TJP1: variants seen among roughly 807,000 people sequenced by gnomAD.
TJP1 encodes tight junction protein ZO-1.
A neutral mutation model predicts 194.2 loss-of-function variants in TJP1; 43 were observed. The observed-to-expected ratio is 0.22, with a 90% CI of 0.17 to 0.29. The LOEUF is 0.29. Ranked by LOEUF, TJP1 falls within the 10% of genes least tolerant of loss-of-function variation. The pLI is 1.00. For synonymous variants in TJP1, 801 were observed against 779.0 expected, an observed-to-expected ratio of 1.03 and a Z score of -0.47; for missense variants, 1,971 against 2,185.7, an observed-to-expected ratio of 0.90 and a Z score of 1.96.
intron 23 of TJP1, among the ~76,000 whole-genome samples, chr15:29,712,677 A>G (rs1476107052): frequency 6.6e-6 from 1 of 152,178 alleles, no homozygotes; most frequent in Non-Finnish European, 1.5e-5. Flanking sequence ...GTGAAAAGCA[A>G]TGTGTTTGAA....
chr15:29,801,978 T>A (rs1047248268), intron 1 of TJP1, among the ~76,000 whole-genome samples: 7 of 152,086 alleles, frequency 4.6e-5, no homozygotes, highest in Non-Finnish European at 8.8e-5. Context: ...GAACCACGGG[T>A]TGGACAAGGT....
chr15:29,888,369 G>A (rs116391708), intron 2 of TJP1, among the ~76,000 whole-genome samples: 2,193 of 151,824 alleles, frequency 0.014, 49 homozygotes, highest in African/African-American at 0.051. Flanking sequence ...ATATATACAC[G>A]CACACACAAA....
At chr15:29,943,820 C>T (rs1386783599) in intron 2 of TJP1, among the ~76,000 whole-genome samples, 6 of 150,284 alleles carry the variant, frequency 4.0e-5, no homozygotes, top group Admixed American at 6.6e-5. Context: ...TGGTGGCGCG[C>T]GCCTGTAGTC....
chr15:29,727,414 G>A (rs932478403), intron 16 of TJP1, among the ~76,000 whole-genome samples: 3 of 152,150 alleles, frequency 2.0e-5, no homozygotes, highest in African/African-American at 7.2e-5. Context: ...TCAAAAGTCT[G>A]TACTATATTT....
intron 2 of TJP1, among the ~76,000 whole-genome samples, chr15:29,929,514 C>A (rs1397539156): frequency 6.6e-6 from 1 of 152,070 alleles, no homozygotes; most frequent in East Asian, 1.9e-4. Context: ...CTGGCCAACA[C>A]GGCAAAACCC....
At chr15:29,776,620 A>G (rs1030188343) in intron 2 of TJP1, among the ~76,000 whole-genome samples, 2 of 152,178 alleles carry the variant, frequency 1.3e-5, no homozygotes, top group African/African-American at 4.8e-5. Flanking sequence ...GGCCTATTTT[A>G]CACTCTGAAT....
intron 2 of TJP1, among the ~76,000 whole-genome samples, chr15:29,838,616 G>C (rs891981940): frequency 8.9e-5 from 13 of 146,292 alleles, no homozygotes; most frequent in African/African-American, 3.2e-4. Context: ...GTGTGTCTGT[G>C]TGTGTGTGTG....
intron 1 of TJP1, among the ~76,000 whole-genome samples, chr15:29,808,898 A>G (rs1232769577): frequency 2.6e-5 from 4 of 152,358 alleles, no homozygotes; most frequent in African/African-American, 9.6e-5. Flanking sequence ...AATGCCACTT[A>G]TGAAGTAGAA....
chr15:29,945,648 C>T (rs1305708698), intron 2 of TJP1, among the ~76,000 whole-genome samples: 3 of 152,010 alleles, frequency 2.0e-5, no homozygotes, highest in Non-Finnish European at 4.4e-5. Flanking sequence ...TTGACAGCAA[C>T]AAATGAAGGG....
chr15:29,841,186 T>C (rs1352790457), intron 2 of TJP1, among the ~76,000 whole-genome samples: 3 of 152,190 alleles, frequency 2.0e-5, no homozygotes, highest in Non-Finnish European at 2.9e-5. Flanking sequence ...CCTGGAAGTC[T>C]GGGCCTTAGC....
At chr15:29,881,737 A>T (rs1229708614) in intron 2 of TJP1, among the ~76,000 whole-genome samples, 2 of 152,164 alleles carry the variant, frequency 1.3e-5, no homozygotes, top group African/African-American at 4.8e-5. Flanking sequence ...ACTTACCAGT[A>T]ATTCCATATA....
At chr15:29,957,221 A>G (rs552401208) in intron 1 of TJP1, among the ~76,000 whole-genome samples, 46 of 152,368 alleles carry the variant, frequency 3.0e-4, no homozygotes, top group Non-Finnish European at 4.0e-4. Context: ...TAAAGTGCAC[A>G]CTGGAATACA....
intron 1 of TJP1, among the ~76,000 whole-genome samples, chr15:29,810,015 G>A (rs183102648): frequency 2.1e-4 from 32 of 152,232 alleles, no homozygotes; most frequent in Admixed American, 8.5e-4. Context: ...TTCAAACCAC[G>A]TGTTTCCGAT....
intron 10 of TJP1, 72 bp downstream of exon 10, chr15:29,741,259 A>T: frequency 8.9e-7 from 1 of 1,124,812 alleles, no homozygotes; most frequent in Non-Finnish European, 1.3e-6. Flanking sequence ...AATATGGTTT[A>T]CAATTAAATT....
intron 1 of TJP1, chr15:29,968,466 G>C (rs1276062671): frequency 1.1e-5 from 10 of 940,278 alleles, no homozygotes; most frequent in Non-Finnish European, 1.3e-5. Flanking sequence ...CAGCGGGCAC[G>C]CGGTACAAGG....
At chr15:29,741,466 CT>C in intron 9 of TJP1, 30 bp from the exon 10 acceptor site, 2 of 1,469,198 alleles carry the variant, frequency 1.4e-6, no homozygotes, top group South Asian at 1.2e-5. Context: ...GTAGGACTCA[CT>C]TTAGAAAAAC....
intron 8 of TJP1, among the ~76,000 whole-genome samples, chr15:29,752,942 T>C (rs888305884): frequency 4.6e-5 from 7 of 152,098 alleles, no homozygotes; most frequent in Non-Finnish European, 1.0e-4. Context: ...CGCTTTGCCT[T>C]ATTCCAGAAT....
At chr15:29,819,232 A>T (rs1473810811) in intron 1 of TJP1, among the ~76,000 whole-genome samples, 1 of 152,196 alleles carries the variant, frequency 6.6e-6, no homozygotes, top group African/African-American at 2.4e-5. Flanking sequence ...AAACATTTTT[A>T]AAAAATGGAT....
intron 25 of TJP1, among the ~76,000 whole-genome samples, chr15:29,706,450 G>A (rs2041906014): frequency 6.6e-6 from 1 of 151,986 alleles, no homozygotes; most frequent in Non-Finnish European, 1.5e-5. Context: ...TTTTTTGAGT[G>A]TCAAAATGAA....
Sources: gnomAD v4.1 joint callset for allele counts (sites outside exome capture counted in the v4.1 genomes callset) on GRCh38, gnomAD v4.1.1 for gene constraint, MANE v1.5 for transcripts, NCBI Gene and HGNC (gene_info 2026-07-23, HGNC 2026-07-21) for gene names.